Variants in SEMA5A observed in about 807,000 individuals in gnomAD.
SEMA5A encodes semaphorin 5A.
Under a neutral mutation model 135.5 loss-of-function variants are expected in SEMA5A, and 55 were observed. The observed-to-expected ratio is 0.41, with a 90% CI of 0.33 to 0.51. SEMA5A has a LOEUF of 0.51. Ranked by LOEUF, SEMA5A falls within the 20% of genes least tolerant of loss-of-function variation. The probability of loss-of-function intolerance (pLI) is 0.37; values close to 1 mark genes in which losing one functional copy is unlikely to be tolerated. For missense variants in SEMA5A, 1,290 were observed against 1,419.9 expected (o/e 0.91, Z 1.47); for synonymous variants, 580 against 546.5 (o/e 1.06, Z -0.85).
At chr5:9,136,130 T>C (rs908858010) in intron 13 of SEMA5A, among the ~76,000 whole-genome samples, 1 of 152,202 alleles carries the variant, frequency 6.6e-6, no homozygotes, top group African/African-American at 2.4e-5. Flanking sequence ...TCTGGAATTA[T>C]ATCTCCCAAA....
Position 9,154,626 on chromosome 5 carries a change from A to G in SEMA5A, c.1343T>C (p.Ile448Thr). 1.2e-6 allele frequency: 2 copies of G among 1,614,094 alleles called. No homozygotes were observed. The highest frequency in any genetic ancestry group is 8.5e-7 in the Non-Finnish European group (1 of 1,180,010). Residue 448 changes from isoleucine to threonine, a missense_variant, in exon 12 of 23, where the codon ATT becomes ACT. By Grantham distance (89) the Ile-to-Thr change is moderately conservative. This residue lies in a region of SEMA5A where 1,029 missense variants were observed against 1,086.6 expected (regional missense o/e 0.95). Coordinates refer to ENST00000382496, the MANE Select transcript of SEMA5A (RefSeq NM_003966.3). ...CCTCCGCCTCTCAGGGAAGAGCTCA[A>G]TCTCTTCCAGCAAACAGCTGCTTGA... ...QTSSSCLLEE[I>T]ELFPERRREP... is the part of the protein sequence containing the mutation.
intron 16 of SEMA5A, among the ~76,000 whole-genome samples, chr5:9,097,849 G>A (rs756238966): frequency 1.1e-4 from 16 of 152,332 alleles, no homozygotes; most frequent in Middle Eastern, 3.4e-3. Context: ...GCCCAGCCTT[G>A]ATGCTACAAG....
At chr5:9,171,134 A>G (rs1455085877) in intron 11 of SEMA5A, among the ~76,000 whole-genome samples, 1 of 152,212 alleles carries the variant, frequency 6.6e-6, no homozygotes, top group Non-Finnish European at 1.5e-5. Context: ...CCTTGTGAAC[A>G]CAGGTCCTCC....
At chr5:9,529,069 T>A (rs969257665) in intron 1 of SEMA5A, among the ~76,000 whole-genome samples, 6 of 152,224 alleles carry the variant, frequency 3.9e-5, no homozygotes, top group African/African-American at 1.2e-4. Context: ...TCTGAACCCA[T>A]GGTAGCACTG....
intron 5 of SEMA5A, among the ~76,000 whole-genome samples, chr5:9,314,277 C>G (rs866269933): frequency 6.6e-6 from 1 of 151,516 alleles, no homozygotes; most frequent in Non-Finnish European, 1.5e-5. Context: ...TCCAATGGGG[C>G]GCACCAGCGA....
chr5:9,200,088 A>T (rs1745622747), intron 9 of SEMA5A, among the ~76,000 whole-genome samples: 1 of 152,206 alleles, frequency 6.6e-6, no homozygotes, highest in African/African-American at 2.4e-5. Context: ...CATGAAAAGG[A>T]GGTGGAAAAT....
At position 9,310,936 on chromosome 5, in the gene SEMA5A, CAT is replaced by C. The variant is rs763498504; in HGVS notation, c.270+7434_270+7435del. Among the ~76,000 whole-genome samples the C allele has an allele frequency of 2.4e-4, 36 of 151,374 alleles. No homozygotes were observed. The East Asian group carries it at 4.7e-3, about 20-fold the overall frequency. On this transcript the variant is annotated intron_variant, in intron 5 of 22. Coordinates refer to ENST00000382496, the MANE Select transcript of SEMA5A (RefSeq NM_003966.3). ...GTTTAGATTTCTTCATATGTGGAGA[CAT>C]ATATATTCAACATATATACATAGAA...
intron 2 of SEMA5A, among the ~76,000 whole-genome samples, chr5:9,424,874 C>A (rs1251805881): frequency 6.6e-6 from 1 of 152,176 alleles, no homozygotes. Context: ...CGCCTGACCC[C>A]ATCATCTGTG....
chr5:9,074,317 C>T (rs1023186372), intron 16 of SEMA5A, among the ~76,000 whole-genome samples: 5 of 152,070 alleles, frequency 3.3e-5, no homozygotes, highest in African/African-American at 4.8e-5. Flanking sequence ...GAATTTTGAT[C>T]AATAACTTGT....
chr5:9,334,477 C>G (rs1037058652), intron 4 of SEMA5A, among the ~76,000 whole-genome samples: 5 of 152,212 alleles, frequency 3.3e-5, no homozygotes, highest in Admixed American at 1.3e-4. Flanking sequence ...GGCATATGCA[C>G]ACGTATGCGA....
At chr5:9,330,935 G>A (rs1316862336) in intron 4 of SEMA5A, among the ~76,000 whole-genome samples, 2 of 152,180 alleles carry the variant, frequency 1.3e-5, no homozygotes, top group Non-Finnish European at 2.9e-5. Context: ...CTTGTCTTAA[G>A]TCATAATTAA....
Position 9,066,553 on chromosome 5 carries a change from C to T in SEMA5A, c.2167G>A (p.Gly723Ser), listed in dbSNP as rs151007766. Residue 723 changes from glycine to serine, a missense_variant, in exon 17 of 23, where the codon GGC becomes AGC. By Grantham distance (56) the Gly-to-Ser change is moderately conservative (BLOSUM62 0). Coordinates refer to ENST00000382496, the MANE Select transcript of SEMA5A (RefSeq NM_003966.3). ...TATCGGAATCGTTGCTCATAGTGGC[C>T]GCCGTTGTCAGAGATGTTGACAGGT... is the stretch of plus-strand genomic sequence containing the variant. ...WTPVNISDNG[G>S]HYEQRFRYTC... 649 of 1,614,142 alleles carry T rather than the reference C, an allele frequency of 4.0e-4. 1 individual carries two copies. Among genetic ancestry groups the T allele is most frequent in the Non-Finnish European group, 4.5e-4 (535 of 1,180,020 alleles).
At chr5:9,492,560 C>G (rs555631805) in intron 1 of SEMA5A, among the ~76,000 whole-genome samples, 34 of 152,300 alleles carry the variant, frequency 2.2e-4, no homozygotes, top group African/African-American at 7.9e-4. Context: ...CATTTACCTC[C>G]CTGAGACCCA....
intron 12 of SEMA5A, among the ~76,000 whole-genome samples, chr5:9,139,685 CCT>C (rs1243239885): frequency 6.6e-6 from 1 of 151,992 alleles, no homozygotes; most frequent in Non-Finnish European, 1.5e-5. Flanking sequence ...TAATATTTTC[CCT>C]GTTTGACATT....
At chr5:9,366,269 G>A (rs1754910004) in intron 3 of SEMA5A, among the ~76,000 whole-genome samples, 1 of 152,096 alleles carries the variant, frequency 6.6e-6, no homozygotes, top group African/African-American at 2.4e-5. Flanking sequence ...CAAATTGGAG[G>A]TCAAACCATC....
chr5:9,357,552 A>G (rs1197048738), intron 3 of SEMA5A, among the ~76,000 whole-genome samples: 2 of 152,214 alleles, frequency 1.3e-5, no homozygotes, highest in East Asian at 3.8e-4. Context: ...TTACTCCATT[A>G]AAAATACCCA....
chr5:9,202,367 A>ATTTT, intron 8 of SEMA5A, 127 bp from the exon 9 acceptor site: 1 of 892,702 alleles, frequency 1.1e-6, no homozygotes, highest in Non-Finnish European at 1.7e-6. Flanking sequence ...CTATAGGACT[A>ATTTT]TTGGGAGGCC....
At chr5:9,444,555 A>G (rs1393182201) in intron 1 of SEMA5A, among the ~76,000 whole-genome samples, 1 of 152,162 alleles carries the variant, frequency 6.6e-6, no homozygotes, top group African/African-American at 2.4e-5. Context: ...ATTCCATTGT[A>G]TAGATATACC....
chr5:9,186,693 T>G (rs1028715424), intron 11 of SEMA5A, among the ~76,000 whole-genome samples: 13 of 152,342 alleles, frequency 8.5e-5, no homozygotes, highest in African/African-American at 2.9e-4. Flanking sequence ...CCTTTTTAAT[T>G]GTTTTAATTG....
Sources: allele counts gnomAD v4.1 joint callset (sites outside exome capture counted in the v4.1 genomes callset), GRCh38; gene constraint gnomAD v4.1.1; regional missense constraint gnomAD v4.1.1; transcripts MANE v1.5; gene names NCBI Gene and HGNC (gene_info 2026-07-23, HGNC 2026-07-21).